Variants in WWOX observed in about 807,000 individuals in gnomAD.
The protein encoded by WWOX is WW domain containing oxidoreductase.
In WWOX, 69 loss-of-function variants were observed where a neutral mutation model predicts 46.2. The observed-to-expected ratio is 1.49, with a 90% CI of 1.23 to 1.82. WWOX has a LOEUF of 1.82. Ranked by LOEUF, WWOX falls within the 40% of genes most tolerant of loss-of-function variation. The pLI is 0.00. For missense variants in WWOX, 919 were observed against 542.6 expected (o/e 1.69, Z -6.89); for synonymous variants, 359 against 202.6 (o/e 1.77, Z -6.56).
intron 8 of WWOX, among the ~76,000 whole-genome samples, chr16:78,530,790 G>A (rs1265756509): frequency 2.0e-5 from 3 of 152,174 alleles, no homozygotes. Context: ...TTAATATGGT[G>A]AGATTGGCAT....
chr16:78,233,819 G>C (rs1016424403), intron 5 of WWOX, among the ~76,000 whole-genome samples: 1 of 152,150 alleles, frequency 6.6e-6, no homozygotes, highest in Non-Finnish European at 1.5e-5. Flanking sequence ...GAGCCACCGT[G>C]CCTGGCCTGA....
chr16:78,762,212 C>G (rs1216814499), intron 8 of WWOX, among the ~76,000 whole-genome samples: 1 of 152,184 alleles, frequency 6.6e-6, no homozygotes, highest in Non-Finnish European at 1.5e-5. Context: ...ATTTCCTCAG[C>G]CAAGAGCATA....
intron 5 of WWOX, among the ~76,000 whole-genome samples, chr16:78,242,963 G>A (rs745755377): frequency 8.6e-5 from 13 of 151,952 alleles, no homozygotes; most frequent in African/African-American, 1.9e-4. Context: ...AACTGAGATC[G>A]CACCACTGCA....
intron 8 of WWOX, among the ~76,000 whole-genome samples, chr16:78,707,883 A>C (rs2048357161): frequency 1.4e-5 from 2 of 141,786 alleles, no homozygotes; most frequent in South Asian, 4.8e-4. Context: ...ATAAATAAAT[A>C]AATAAAGTAT....
intron 5 of WWOX, among the ~76,000 whole-genome samples, chr16:78,282,751 G>A (rs751854030): frequency 3.3e-5 from 5 of 151,978 alleles, no homozygotes; most frequent in East Asian, 1.9e-4. Flanking sequence ...GGTGGTGTTC[G>A]CCTGTAGTCC....
chr16:78,838,573 G>A (rs1010612533), intron 8 of WWOX, among the ~76,000 whole-genome samples: 2 of 152,214 alleles, frequency 1.3e-5, no homozygotes, highest in African/African-American at 2.4e-5. Flanking sequence ...TGGGCACGGT[G>A]GCTCACTCCT....
intron 8 of WWOX, among the ~76,000 whole-genome samples, chr16:78,615,776 A>G (rs1597351689): frequency 6.7e-6 from 1 of 149,360 alleles, no homozygotes; most frequent in Admixed American, 6.7e-5. Flanking sequence ...TTTGAGGCGG[A>G]GTCTCACTCT....
At chr16:78,910,139 C>A (rs191673193) in intron 8 of WWOX, among the ~76,000 whole-genome samples, 2 of 150,872 alleles carry the variant, frequency 1.3e-5, no homozygotes, top group African/African-American at 4.8e-5. Flanking sequence ...GTCTGTCCTT[C>A]TGGGGATGAT....
intron 5 of WWOX, among the ~76,000 whole-genome samples, chr16:78,311,076 T>G (rs1449411894): frequency 6.6e-6 from 1 of 152,162 alleles, no homozygotes; most frequent in Non-Finnish European, 1.5e-5. Flanking sequence ...CCAGAAGCTA[T>G]GGGGTACAGA....
rs892812160 is a variant in WWOX, at chr16:78,222,479, C to G, written c.516+58190C>G. Among the ~76,000 whole-genome samples, 13 of 152,106 alleles carry G rather than the reference C, an allele frequency of 8.5e-5. 1 individual carries two copies. The highest frequency in any genetic ancestry group is 2.9e-4 in the African/African-American group (12 of 41,484). ...GGGAGGAGAAAAAAATGACAGTATG[C>G]AACAGTCAACTTTTTCCTGAAGAAA... On this transcript the variant is annotated intron_variant, in intron 5 of 8. Transcript: ENST00000566780.
chr16:78,869,739 G>C (rs554120142), intron 8 of WWOX, among the ~76,000 whole-genome samples: 1 of 152,182 alleles, frequency 6.6e-6, no homozygotes, highest in Admixed American at 6.5e-5. Flanking sequence ...TAGATTTCTA[G>C]TTTCTAAACA....
At chr16:78,415,895 G>T (rs2082786641) in intron 6 of WWOX, among the ~76,000 whole-genome samples, 1 of 152,168 alleles carries the variant, frequency 6.6e-6, no homozygotes, top group African/African-American at 2.4e-5. Context: ...TAGTTGAAGG[G>T]GTTGCTGGTT....
intron 5 of WWOX, among the ~76,000 whole-genome samples, chr16:78,220,109 A>G (rs190591663): frequency 1.3e-5 from 2 of 152,230 alleles, no homozygotes; most frequent in East Asian, 1.9e-4. Context: ...ATGATTGTGA[A>G]TGTTTGTTTA....
intron 8 of WWOX, among the ~76,000 whole-genome samples, chr16:79,160,363 G>C (rs8046352): frequency 0.46 from 69,624 of 151,922 alleles, 16,869 homozygotes; most frequent in East Asian, 0.74. Flanking sequence ...TTGCTACCTA[G>C]TCCCGGCTCC....
chr16:79,165,050 A>G (rs78227988), intron 8 of WWOX, among the ~76,000 whole-genome samples: 5,285 of 151,962 alleles, frequency 0.035, 123 homozygotes, highest in Non-Finnish European at 0.056. Context: ...CTCTGGGAGG[A>G]CCATAGTTGT....
intron 8 of WWOX, among the ~76,000 whole-genome samples, chr16:78,731,308 T>C (rs1004339240): frequency 6.6e-6 from 1 of 152,170 alleles, no homozygotes; most frequent in Non-Finnish European, 1.5e-5. Flanking sequence ...CACATGAAGC[T>C]GCCAATTCCT....
At chr16:78,419,626 A>G (rs76017722) in intron 6 of WWOX, among the ~76,000 whole-genome samples, 1,045 of 75,956 alleles carry the variant, frequency 0.014, 3 homozygotes, top group Admixed American at 0.018. Context: ...AAAAAATAGC[A>G]AAAAAAAAAA....
At chr16:78,286,404 G>T (rs1293162940) in intron 5 of WWOX, among the ~76,000 whole-genome samples, 1 of 152,146 alleles carries the variant, frequency 6.6e-6, no homozygotes, top group African/African-American at 2.4e-5. Context: ...TTCTAGTATT[G>T]TTAGACTTAG....
intron 8 of WWOX, among the ~76,000 whole-genome samples, chr16:79,045,211 T>C (rs1011210894): frequency 1.2e-4 from 19 of 152,234 alleles, no homozygotes; most frequent in African/African-American, 4.6e-4. Flanking sequence ...CAAGTTCTTA[T>C]GTGGTGGATG....
Sources: gnomAD v4.1 joint callset for allele counts (sites outside exome capture counted in the v4.1 genomes callset) on GRCh38, gnomAD v4.1.1 for gene constraint, MANE v1.5 for transcripts, NCBI Gene and HGNC (gene_info 2026-07-23, HGNC 2026-07-21) for gene names.